The following MCPH1 variants were observed in gnomAD, a reference collection of about 807,000 sequenced individuals.
MCPH1 encodes microcephalin 1.
Under a neutral mutation model 84.5 loss-of-function variants are expected in MCPH1, and 104 were observed. The ratio of observed to expected loss-of-function variants is 1.23; its 90% CI spans 1.05 to 1.45. MCPH1 has a LOEUF of 1.45. Among genes scored for constraint, MCPH1 ranks in the 40% most tolerant of loss-of-function variants. The probability of loss-of-function intolerance (pLI) is 0.00; values close to 1 mark genes in which losing one functional copy is unlikely to be tolerated. For missense variants in MCPH1, 1,498 were observed against 1,005.7 expected (o/e 1.49, Z -6.62); for synonymous variants, 514 against 366.8 (o/e 1.40, Z -4.58).
intron 12 of MCPH1, among the ~76,000 whole-genome samples, chr8:6,588,277 A>G (rs918836755): frequency 6.6e-6 from 1 of 152,174 alleles, no homozygotes; most frequent in African/African-American, 2.4e-5. Context: ...AGGCCAGCCC[A>G]GCAGTGATCC....
intron 12 of MCPH1, among the ~76,000 whole-genome samples, chr8:6,581,642 C>A (rs1371194120): frequency 2.0e-5 from 3 of 152,190 alleles, no homozygotes; most frequent in African/African-American, 7.2e-5. Context: ...GTGGCTAAAT[C>A]TTTAGTACCT....
intron 13 of MCPH1, chr8:6,635,006 T>A (rs540255227): frequency 6.6e-6 from 1 of 152,330 alleles, no homozygotes; most frequent in East Asian, 1.9e-4. Flanking sequence ...AAGACACAGA[T>A]GTGCGTGCCT....
chr8:6,534,123 G>A (rs879457613), intron 12 of MCPH1, among the ~76,000 whole-genome samples: 2 of 152,064 alleles, frequency 1.3e-5, no homozygotes, highest in African/African-American at 2.4e-5. Flanking sequence ...TGGGTCAGAT[G>A]AGCAGGATGC....
At chr8:6,530,482 C>T (rs1048680342) in intron 12 of MCPH1, among the ~76,000 whole-genome samples, 1 of 142,954 alleles carries the variant, frequency 7.0e-6, no homozygotes, top group Non-Finnish European at 1.5e-5. Context: ...GCACTCCAAC[C>T]TGGGCAATGC....
chr8:6,612,324 CCT>C (rs1398371558), intron 12 of MCPH1, among the ~76,000 whole-genome samples: 5 of 152,194 alleles, frequency 3.3e-5, no homozygotes, highest in Non-Finnish European at 7.3e-5. Flanking sequence ...AGGCCAACCT[CCT>C]CTCCTCCACA....
At chr8:6,551,344 G>A (rs907820703) in intron 12 of MCPH1, among the ~76,000 whole-genome samples, 1 of 152,116 alleles carries the variant, frequency 6.6e-6, no homozygotes, top group Admixed American at 6.6e-5. Flanking sequence ...ATGCATGTCA[G>A]CTGCAACGCC....
chr8:6,406,706 T>C lies in MCPH1; in HGVS notation c.22+17T>C, dbSNP rs1468855894. The C allele has an allele frequency of 1.9e-6, 3 of 1,611,914 alleles. No homozygotes were observed. The highest frequency in any genetic ancestry group is 2.2e-5 in the East Asian group (1 of 44,822). ...TCCTGAAAGGTGAGGTACTTCCTGC[T>C]GCCTGCTCCAGCAGCGGGAGTTTGA... On this transcript the variant is annotated intron_variant, in intron 1 of 13. Coordinates refer to ENST00000344683, the MANE Select transcript of MCPH1 (RefSeq NM_024596.5).
chr8:6,618,011 A>C (rs997494991), intron 12 of MCPH1, among the ~76,000 whole-genome samples: 1 of 151,884 alleles, frequency 6.6e-6, no homozygotes, highest in African/African-American at 2.4e-5. Context: ...GGCTTAAGCA[A>C]TCCAACTACC....
intron 12 of MCPH1, among the ~76,000 whole-genome samples, chr8:6,510,263 G>A (rs958604611): frequency 6.6e-6 from 1 of 152,014 alleles, no homozygotes; most frequent in Non-Finnish European, 1.5e-5. Flanking sequence ...CACGTAATGG[G>A]GTATGCCATG....
chr8:6,414,140 A>G (rs1314830601), intron 2 of MCPH1, among the ~76,000 whole-genome samples: 1 of 152,094 alleles, frequency 6.6e-6, no homozygotes, highest in Non-Finnish European at 1.5e-5. Context: ...TATGCATTTA[A>G]GATTACAGGC....
chr8:6,597,161 C>T (rs1433851038), intron 12 of MCPH1, among the ~76,000 whole-genome samples: 2 of 152,158 alleles, frequency 1.3e-5, no homozygotes, highest in African/African-American at 4.8e-5. Context: ...AATCACCTGC[C>T]TATAAGCCTG....
intron 12 of MCPH1, among the ~76,000 whole-genome samples, chr8:6,518,981 G>A (rs1330100890): frequency 6.6e-6 from 1 of 152,102 alleles, no homozygotes; most frequent in Non-Finnish European, 1.5e-5. Flanking sequence ...CTCTGAGTGA[G>A]GCTGCAGAAC....
rs976179798 is a variant in MCPH1, at chr8:6,425,223, G to A, written c.234-6276G>A. On this transcript the variant is annotated intron_variant, in intron 3 of 13. Transcript: ENST00000344683. ...CTGCTTTGATTTCTGTTGGCTCTGA[G>A]GCAGCAGCAGGTCAAATAGTTGGTT... Among the ~76,000 whole-genome samples, 14 of 152,310 alleles carry A rather than the reference G, an allele frequency of 9.2e-5. No homozygotes were observed. The East Asian group carries it at 2.7e-3, about 29-fold the overall frequency.
chr8:6,571,404 TC>T (rs1312863843), intron 12 of MCPH1, among the ~76,000 whole-genome samples: 3 of 152,242 alleles, frequency 2.0e-5, no homozygotes, highest in Non-Finnish European at 2.9e-5. Flanking sequence ...CATTAAATGT[TC>T]CCAAATCCAT....
intron 12 of MCPH1, among the ~76,000 whole-genome samples, chr8:6,512,357 C>T (rs1815328937): frequency 6.6e-6 from 1 of 152,194 alleles, no homozygotes; most frequent in African/African-American, 2.4e-5. Context: ...TCCTTTCAGA[C>T]TGTTCAGGTC....
chr8:6,460,306 T>C (rs987087002), intron 9 of MCPH1, among the ~76,000 whole-genome samples: 3 of 152,150 alleles, frequency 2.0e-5, no homozygotes, highest in African/African-American at 7.2e-5. Context: ...TCTTTTTAAG[T>C]CTATTCTGAT....
At chr8:6,619,061 G>C (rs1360048982) in intron 12 of MCPH1, 2 of 152,222 alleles carry the variant, frequency 1.3e-5, no homozygotes, top group African/African-American at 2.4e-5. Context: ...CATTGGCCAG[G>C]ATTGAGGCCA....
chr8:6,597,034 G>A (rs1828983073), intron 12 of MCPH1, among the ~76,000 whole-genome samples: 2 of 152,172 alleles, frequency 1.3e-5, no homozygotes, highest in South Asian at 2.1e-4. Flanking sequence ...GGATGCAATG[G>A]GGCCAGGTGG....
At chr8:6,621,391 C>A in intron 12 of MCPH1, 63 bp from the exon 13 acceptor site, 3 of 1,591,782 alleles carry the variant, frequency 1.9e-6, no homozygotes, top group East Asian at 4.5e-5. Context: ...TGCAACAGTT[C>A]GCCTACGCTA....
Sources: gnomAD v4.1 joint callset for allele counts (sites outside exome capture counted in the v4.1 genomes callset) on GRCh38, gnomAD v4.1.1 for gene constraint, MANE v1.5 for transcripts, NCBI Gene and HGNC (gene_info 2026-07-23, HGNC 2026-07-21) for gene names.